ATG7: variants seen among roughly 807,000 people sequenced by gnomAD.
ATG7 encodes the protein ubiquitin-like modifier-activating enzyme ATG7.
Under a neutral mutation model 82.4 loss-of-function variants are expected in ATG7, and 70 were observed. The observed-to-expected ratio is 0.85, with a 90% CI of 0.70 to 1.04. ATG7 has a LOEUF of 1.04. Among genes scored for constraint, ATG7 ranks in the 50% least tolerant of loss-of-function variants. The pLI, the probability that ATG7 is intolerant of heterozygous loss-of-function variation, is 0.00. For missense variants in ATG7, 792 were observed against 864.3 expected (o/e 0.92, Z 1.05); for synonymous variants, 287 against 313.0 (o/e 0.92, Z 0.88).
At chr3:11,494,653 T>C (rs2090667542) in intron 20 of ATG7, among the ~76,000 whole-genome samples, 1 of 152,190 alleles carries the variant, frequency 6.6e-6, no homozygotes, top group African/African-American at 2.4e-5. Context: ...CAGAGCAGAA[T>C]AGATCATCTC....
At chr3:11,546,219 T>A (rs1346570937) in intron 20 of ATG7, among the ~76,000 whole-genome samples, 2 of 133,268 alleles carry the variant, frequency 1.5e-5, no homozygotes, top group Non-Finnish European at 1.5e-5. Context: ...TCACCCAGGC[T>A]GGAGTGCAGT....
chr3:11,379,866 C>T (rs754821221), intron 18 of ATG7, 106 bp from the exon 19 acceptor site: 100 of 1,077,488 alleles, frequency 9.3e-5, no homozygotes, highest in Non-Finnish European at 1.3e-4. Flanking sequence ...TCTTTCCGGG[C>T]CGCCATATTA....
At chr3:11,422,116 C>T (rs573047556) in intron 19 of ATG7, among the ~76,000 whole-genome samples, 12 of 152,302 alleles carry the variant, frequency 7.9e-5, no homozygotes, top group African/African-American at 2.6e-4. Flanking sequence ...GGTCAGTAAG[C>T]ATTGGCTTCA....
intron 20 of ATG7, among the ~76,000 whole-genome samples, chr3:11,440,363 C>T (rs1226052581): frequency 4.3e-5 from 5 of 115,814 alleles, no homozygotes; most frequent in South Asian, 2.9e-4. Flanking sequence ...CTCGCTCTGT[C>T]GCCCAGGCTG....
intron 19 of ATG7, among the ~76,000 whole-genome samples, chr3:11,404,328 G>C (rs145745107): frequency 6.6e-6 from 1 of 151,658 alleles, no homozygotes; most frequent in Non-Finnish European, 1.5e-5. Context: ...TAGAGATGGC[G>C]TTTCACCATA....
chr3:11,563,243 C>T, the ATG7 span, among the ~76,000 whole-genome samples: 3 of 152,208 alleles, frequency 2.0e-5, no homozygotes, highest in African/African-American at 7.2e-5. Context: ...CTGAATCCTC[C>T]CCTCCATACC....
intron 20 of ATG7, among the ~76,000 whole-genome samples, chr3:11,535,398 C>T (rs541181725): frequency 2.0e-5 from 3 of 152,330 alleles, no homozygotes; most frequent in African/African-American, 7.2e-5. Flanking sequence ...GTGGAGGAAC[C>T]CTGGCTTTTG....
intron 19 of ATG7, among the ~76,000 whole-genome samples, chr3:11,406,135 G>C (rs1286875265): frequency 6.6e-6 from 1 of 151,840 alleles, no homozygotes; most frequent in African/African-American, 2.4e-5. Flanking sequence ...GACTATAGGC[G>C]CACATCCCCA....
chr3:11,551,261 C>G lies in ATG7; in HGVS notation c.2080-3550C>G, dbSNP rs537039277. On this transcript the variant is annotated intron_variant, in intron 20 of 20. Transcript: ENST00000693202. ...GGCCCATGGTGGGGGCTTCTCACCG[C>G]TCTTCTGTTCGGAGGGTTTCCTGGG... is the stretch of plus-strand genomic sequence containing the variant. Among the ~76,000 whole-genome samples the G allele has an allele frequency of 3.2e-4, 48 of 152,372 alleles. 2 individuals carry two copies. The Middle Eastern group carries it at 0.02, about 65-fold the overall frequency.
chr3:11,519,442 CTCTT>C (rs777236103), intron 20 of ATG7, among the ~76,000 whole-genome samples: 6 of 148,684 alleles, frequency 4.0e-5, no homozygotes, highest in Admixed American at 6.8e-5. Flanking sequence ...CAGTGGCTGA[CTCTT>C]TCTTTCTCAG....
At chr3:11,423,629 T>C (rs78061508) in intron 19 of ATG7, among the ~76,000 whole-genome samples, 6 of 152,230 alleles carry the variant, frequency 3.9e-5, no homozygotes, top group African/African-American at 7.2e-5. Context: ...CTTTTTTTTT[T>C]CCAGGGGGTT....
intron 2 of ATG7, among the ~76,000 whole-genome samples, chr3:11,281,879 C>T (rs565133453): frequency 1.2e-4 from 19 of 152,004 alleles, no homozygotes; most frequent in Non-Finnish European, 2.1e-4. Flanking sequence ...TCTCCCGTTT[C>T]TCAGGATTCT....
intron 20 of ATG7, among the ~76,000 whole-genome samples, chr3:11,519,708 C>T (rs1273967095): frequency 2.0e-5 from 3 of 151,530 alleles, no homozygotes; most frequent in African/African-American, 4.8e-5. Flanking sequence ...CACAGGCGCC[C>T]GTCACCGCGC....
At chr3:11,307,173 A>T in intron 6 of ATG7, 113 bp downstream of exon 6, 2 of 948,800 alleles carry the variant, frequency 2.1e-6, no homozygotes, top group Non-Finnish European at 3.3e-6. Flanking sequence ...AAGGGAACTT[A>T]AAGACACTTG....
intron 3 of ATG7, among the ~76,000 whole-genome samples, chr3:11,286,051 A>T (rs527417748): frequency 1.3e-5 from 2 of 152,318 alleles, no homozygotes; most frequent in East Asian, 3.9e-4. Context: ...ACTTGGGTTT[A>T]TCTGATGTTT....
At chr3:11,505,247 G>GT (rs1451542101) in intron 20 of ATG7, among the ~76,000 whole-genome samples, 1 of 152,176 alleles carries the variant, frequency 6.6e-6, no homozygotes, top group Non-Finnish European at 1.5e-5. Context: ...TAAAGGACGA[G>GT]TAGGAGTTCT....
intron 20 of ATG7, among the ~76,000 whole-genome samples, chr3:11,526,009 C>T (rs2092570388): frequency 6.6e-6 from 1 of 152,134 alleles, no homozygotes. Flanking sequence ...GTAAACTGTT[C>T]AGTGCTGTGC....
At chr3:11,478,453 C>T (rs1212689804) in intron 20 of ATG7, among the ~76,000 whole-genome samples, 1 of 152,162 alleles carries the variant, frequency 6.6e-6, no homozygotes, top group Admixed American at 6.5e-5. Flanking sequence ...TTAAAGATGC[C>T]TGCTATGATG....
intron 20 of ATG7, among the ~76,000 whole-genome samples, chr3:11,531,403 A>G (rs1045462411): frequency 4.6e-5 from 7 of 152,162 alleles, no homozygotes; most frequent in African/African-American, 1.7e-4. Context: ...GGTGCAACCC[A>G]CCTGGCAAGG....
Sources: gnomAD v4.1 joint callset for allele counts (sites outside exome capture counted in the v4.1 genomes callset) on GRCh38, gnomAD v4.1.1 for gene constraint, MANE v1.5 for transcripts, NCBI Gene and HGNC (gene_info 2026-07-23, HGNC 2026-07-21) for gene names.